Variants in EXOC2 observed in about 807,000 individuals in gnomAD.
The protein encoded by EXOC2 is exocyst complex component 2.
A neutral mutation model predicts 131.8 loss-of-function variants in EXOC2; 70 were observed. That is an observed-to-expected ratio of 0.53 (90% confidence interval 0.44 to 0.65). The LOEUF (loss-of-function observed/expected upper bound fraction) is 0.65. EXOC2 is among the 30% of genes least tolerant of loss of function. EXOC2 has a pLI of 0.00. For missense variants in EXOC2, 923 were observed against 1,108.6 expected (o/e 0.83, Z 2.38); for synonymous variants, 411 against 398.4 (o/e 1.03, Z -0.38).
At chr6:628,029 A>G (rs975552794) in intron 4 of EXOC2, among the ~76,000 whole-genome samples, 1 of 152,248 alleles carries the variant, frequency 6.6e-6, no homozygotes. Flanking sequence ...AATGAATAGT[A>G]TATATCCAAG....
chr6:562,688 C>A, intron 17 of EXOC2, 96 bp downstream of exon 17: 3 of 744,696 alleles, frequency 4.0e-6, no homozygotes, highest in African/African-American at 3.7e-5. Context: ...CTATTTAGAG[C>A]TGCAACACAT....
At chr6:494,016 A>AGCGACT (rs1466021771) in intron 25 of EXOC2, among the ~76,000 whole-genome samples, 4 of 152,226 alleles carry the variant, frequency 2.6e-5, no homozygotes, top group Admixed American at 2.6e-4. Context: ...GGCCCACAGT[A>AGCGACT]GCGACTGCGA....
At chr6:539,398 C>T (rs1473553949) in intron 22 of EXOC2, among the ~76,000 whole-genome samples, 3 of 152,226 alleles carry the variant, frequency 2.0e-5, no homozygotes, top group Non-Finnish European at 4.4e-5. Context: ...CACGCACCGG[C>T]ACTGATGCCA....
chr6:616,742 T>G (rs1307492600), intron 6 of EXOC2, among the ~76,000 whole-genome samples: 3 of 151,818 alleles, frequency 2.0e-5, no homozygotes, highest in Non-Finnish European at 4.4e-5. Flanking sequence ...ATTTATTTAT[T>G]TATTTATTTA....
chr6:588,803 CT>C (rs79527588), intron 11 of EXOC2, among the ~76,000 whole-genome samples: 82 of 149,514 alleles, frequency 5.5e-4, no homozygotes, highest in East Asian at 3.5e-3. Context: ...CTTCTGTCAC[CT>C]TTTTTTTTTC....
At chr6:564,380 G>A (rs895065508) in intron 15 of EXOC2, among the ~76,000 whole-genome samples, 165 bp downstream of exon 15, 1 of 152,154 alleles carries the variant, frequency 6.6e-6, no homozygotes, top group Non-Finnish European at 1.5e-5. Context: ...CAAAAACCAG[G>A]AACAGTGAGG....
intron 23 of EXOC2, among the ~76,000 whole-genome samples, chr6:507,316 CACAA>C (rs1246666509): frequency 1.2e-5 from 1 of 85,890 alleles, no homozygotes; most frequent in Non-Finnish European, 2.5e-5. Context: ...CACACACACA[CACAA>C]AGAAGTGACC....
At chr6:507,395 T>A (rs1208777139) in intron 23 of EXOC2, among the ~76,000 whole-genome samples, 1 of 146,514 alleles carries the variant, frequency 6.8e-6, no homozygotes, top group East Asian at 2.0e-4. Flanking sequence ...GCTCCTGCAC[T>A]CCCAGGGATT....
At chr6:547,260 A>C (rs1756913178) in intron 22 of EXOC2, among the ~76,000 whole-genome samples, 1 of 152,266 alleles carries the variant, frequency 6.6e-6, no homozygotes, top group Non-Finnish European at 1.5e-5. Context: ...GGTGAGGAAC[A>C]GGTGAAGGGA....
chr6:503,851 C>T (rs71550011), intron 23 of EXOC2, among the ~76,000 whole-genome samples: 6,991 of 152,236 alleles, frequency 0.046, 239 homozygotes, highest in Non-Finnish European at 0.071. Flanking sequence ...AGCCGAGTAG[C>T]ACGCCCGCAC....
intron 23 of EXOC2, among the ~76,000 whole-genome samples, chr6:501,078 ATATC>A (rs952831251): frequency 7.7e-6 from 1 of 129,134 alleles, no homozygotes; most frequent in African/African-American, 3.0e-5. Context: ...ATATATCTAT[ATATC>A]TATTGGCTCC....
At chr6:512,350 G>A (rs956684170) in intron 23 of EXOC2, among the ~76,000 whole-genome samples, 1 of 152,222 alleles carries the variant, frequency 6.6e-6, no homozygotes, top group Non-Finnish European at 1.5e-5. Flanking sequence ...CCTACTCAAT[G>A]TGAAGATGAG....
intron 10 of EXOC2, among the ~76,000 whole-genome samples, chr6:595,937 T>C (rs1759790973): frequency 6.6e-6 from 1 of 152,098 alleles, no homozygotes; most frequent in Admixed American, 6.5e-5. Flanking sequence ...AAATCCCCTA[T>C]ATACATTCTT....
In EXOC2 at chr6:656,107, T is replaced by C. The variant is rs758177180; in HGVS notation, c.-43-18246A>G. The stretch of plus-strand genomic sequence containing the variant: ...AAAAAAAATCTAAGCTGGCTGAATT[T>C]TTACAAGGCAGGAATGAAATACTGA... On this transcript the variant is annotated intron_variant, in intron 1 of 27. Transcript: ENST00000230449. The C allele has an allele frequency of 2.5e-6, 4 of 1,591,064 alleles. No individual in the cohort carries two copies. In the South Asian group the frequency reaches 3.4e-5, roughly 13 times the overall value.
intron 1 of EXOC2, among the ~76,000 whole-genome samples, chr6:646,652 A>G (rs933696014): frequency 6.6e-6 from 1 of 152,246 alleles, no homozygotes; most frequent in Non-Finnish European, 1.5e-5. Flanking sequence ...CAAAATGCAC[A>G]AATAAGCAAT....
At chr6:599,252 T>G in intron 7 of EXOC2, 27 bp from the exon 8 acceptor site, 1 of 1,512,668 alleles carries the variant, frequency 6.6e-7, no homozygotes, top group Non-Finnish European at 8.9e-7. Context: ...AAAGGAAACT[T>G]AGATGAAAGC....
At chr6:588,426 T>C (rs11965257) in intron 11 of EXOC2, among the ~76,000 whole-genome samples, 25,779 of 152,088 alleles carry the variant, frequency 0.17, 2,478 homozygotes, top group South Asian at 0.31. Flanking sequence ...GATCTCGGCT[T>C]ACCATAACCT....
chr6:652,454 T>C (rs1762876884), intron 1 of EXOC2, among the ~76,000 whole-genome samples: 1 of 152,198 alleles, frequency 6.6e-6, no homozygotes, highest in Admixed American at 6.5e-5. Context: ...AAACTCTTCA[T>C]TACTGATAAA....
Position 564,037 on chromosome 6 carries a change from C to T in EXOC2, c.1785G>A (p.Ala595=), listed in dbSNP as rs761044569. The change falls in exon 16 of 28, where the codon GCG becomes GCA. Residue 595 remains alanine, a synonymous_variant. Coordinates refer to ENST00000230449, the MANE Select transcript of EXOC2 (RefSeq NM_018303.6). ...RCVMATLQHT[A]EEIKRLAEKE... ...CACCGATTTATCAAAACACACCTTC[C>T]GCCGTGTGCTGCAACGTGGCCATTA... 16 of 1,613,518 alleles carry T rather than the reference C, an allele frequency of 9.9e-6. No individual in the cohort carries two copies. The highest frequency in any genetic ancestry group is 4.0e-5 in the African/African-American group (3 of 74,864).
Sources: gnomAD v4.1 joint callset for allele counts (sites outside exome capture counted in the v4.1 genomes callset) on GRCh38, gnomAD v4.1.1 for gene constraint, MANE v1.5 for transcripts, NCBI Gene and HGNC (gene_info 2026-07-23, HGNC 2026-07-21) for gene names.